Variants in ENAH observed in about 807,000 individuals in gnomAD.
ENAH encodes the protein ENAH actin regulator, also known as protein enabled homolog.
ENAH carries 23 observed loss-of-function variants against 78.7 expected under a neutral mutation model. The observed-to-expected ratio is 0.29, with a 90% CI of 0.21 to 0.41. The LOEUF (loss-of-function observed/expected upper bound fraction) is 0.41, where lower values mean the gene tolerates loss of function less well. Among genes scored for constraint, ENAH ranks in the 10% least tolerant of loss-of-function variants. The pLI, the probability that ENAH is intolerant of heterozygous loss-of-function variation, is 1.00. For missense variants in ENAH, 544 were observed against 691.0 expected (o/e 0.79, Z 2.39); for synonymous variants, 226 against 241.0 (o/e 0.94, Z 0.58).
chr1:225,568,839 T>G (rs932117022), intron 1 of ENAH, among the ~76,000 whole-genome samples: 5 of 152,202 alleles, frequency 3.3e-5, no homozygotes, highest in Admixed American at 2.0e-4. Flanking sequence ...GTAATAAAAT[T>G]GCTTCAGAAC....
intron 3 of ENAH, among the ~76,000 whole-genome samples, chr1:225,537,838 G>A (rs2096569552): frequency 6.6e-6 from 1 of 151,978 alleles, no homozygotes; most frequent in Non-Finnish European, 1.5e-5. Flanking sequence ...GTACAAGCAG[G>A]GAAATGTAGA....
chr1:225,501,546 G>A (rs1314172084), intron 11 of ENAH, among the ~76,000 whole-genome samples: 1 of 152,196 alleles, frequency 6.6e-6, no homozygotes, highest in East Asian at 1.9e-4. Context: ...AGCTTACAAA[G>A]CTGATGCCTT....
chr1:225,541,768 C>T (rs1429599295), intron 3 of ENAH, among the ~76,000 whole-genome samples: 1 of 152,130 alleles, frequency 6.6e-6, no homozygotes, highest in Non-Finnish European at 1.5e-5. Flanking sequence ...AAATAGCACA[C>T]GACTTTATCA....
intron 1 of ENAH, among the ~76,000 whole-genome samples, chr1:225,589,966 T>C (rs1462062212): frequency 6.6e-6 from 1 of 152,188 alleles, no homozygotes; most frequent in Non-Finnish European, 1.5e-5. Flanking sequence ...TATTTCTCCA[T>C]ATTCATTCAA....
At chr1:225,586,765 C>G (rs1232481719) in intron 1 of ENAH, among the ~76,000 whole-genome samples, 2 of 152,074 alleles carry the variant, frequency 1.3e-5, no homozygotes, top group African/African-American at 4.8e-5. Context: ...GTGGCTCACC[C>G]GTTATCCCAG....
chr1:225,532,614 C>T (rs914896210), intron 3 of ENAH, among the ~76,000 whole-genome samples: 1 of 151,994 alleles, frequency 6.6e-6, no homozygotes, highest in Non-Finnish European at 1.5e-5. Context: ...CAACTCAATC[C>T]TATTTATTTT....
At chr1:225,527,064 C>T (rs2096510931) in intron 4 of ENAH, among the ~76,000 whole-genome samples, 1 of 152,174 alleles carries the variant, frequency 6.6e-6, no homozygotes, top group South Asian at 2.1e-4. Context: ...GGTCTGGCTG[C>T]CAGCGTCTAG....
At chr1:225,590,803 C>T (rs1217871175) in intron 1 of ENAH, among the ~76,000 whole-genome samples, 1 of 152,150 alleles carries the variant, frequency 6.6e-6, no homozygotes, top group Admixed American at 6.6e-5. Flanking sequence ...TCCTAGATTA[C>T]AACAGCCTCC....
intron 3 of ENAH, among the ~76,000 whole-genome samples, chr1:225,537,386 T>C (rs1474181654): frequency 6.6e-6 from 1 of 152,224 alleles, no homozygotes; most frequent in African/African-American, 2.4e-5. Flanking sequence ...TTCTTTCCAC[T>C]GACTTTAATT....
At chr1:225,514,936 A>G in intron 6 of ENAH, 36 bp from the exon 7 acceptor site, 1 of 1,534,020 alleles carries the variant, frequency 6.5e-7, no homozygotes, top group Non-Finnish European at 9.0e-7. Context: ...ACCATCAACA[A>G]TAGAGCTGAG....
At chr1:225,561,921 T>C (rs1002363050) in intron 2 of ENAH, among the ~76,000 whole-genome samples, 1 of 152,116 alleles carries the variant, frequency 6.6e-6, no homozygotes, top group Non-Finnish European at 1.5e-5. Context: ...CTTTCTCCTA[T>C]CTTCTCAACA....
chr1:225,645,641 A>T (rs1328067012), intron 1 of ENAH, among the ~76,000 whole-genome samples: 1 of 152,200 alleles, frequency 6.6e-6, no homozygotes, highest in Non-Finnish European at 1.5e-5. Context: ...GGTTTTTCAC[A>T]TTCTTAACAT....
At chr1:225,577,735 C>T (rs2096795160) in intron 1 of ENAH, among the ~76,000 whole-genome samples, 1 of 152,128 alleles carries the variant, frequency 6.6e-6, no homozygotes, top group South Asian at 2.1e-4. Flanking sequence ...TAAAAGAAAA[C>T]ATTTCAGCAA....
At chr1:225,521,291 T>C (rs1343211529) in intron 4 of ENAH, among the ~76,000 whole-genome samples, 5 of 152,154 alleles carry the variant, frequency 3.3e-5, no homozygotes, top group Non-Finnish European at 7.3e-5. Context: ...TGAAAAGGTA[T>C]GAATTTAAGA....
chr1:225,614,973 TTCTCCCTCTCCCTCTCCCCGG>T (rs1322259017), intron 1 of ENAH, among the ~76,000 whole-genome samples: 2 of 151,866 alleles, frequency 1.3e-5, no homozygotes, highest in East Asian at 1.9e-4. Context: ...AGTAATACTT[TTCTCCCTCTCCCTCTCCCCGG>T]TCTCCCTCTC....
intron 7 of ENAH, 123 bp downstream of exon 7, chr1:225,514,472 AT>A: frequency 1.1e-6 from 1 of 900,646 alleles, no homozygotes; most frequent in Non-Finnish European, 1.8e-6. Context: ...AGGGTAAATT[AT>A]TTCAATTTTT....
chr1:225,591,603 A>C (rs1575637870), intron 1 of ENAH, among the ~76,000 whole-genome samples: 1 of 151,282 alleles, frequency 6.6e-6, no homozygotes, highest in African/African-American at 2.4e-5. Flanking sequence ...TGTCTCTACT[A>C]AAAATACAAA....
intron 1 of ENAH, among the ~76,000 whole-genome samples, chr1:225,570,489 T>C (rs1180299107): frequency 6.6e-6 from 1 of 151,498 alleles, no homozygotes; most frequent in Non-Finnish European, 1.5e-5. Context: ...ACCTTACCCT[T>C]CCTAAGACAG....
At chr1:225,652,492 A>C in intron 1 of ENAH, 194 bp downstream of exon 1, 2 of 860,082 alleles carry the variant, frequency 2.3e-6, no homozygotes, top group Non-Finnish European at 2.8e-6. Context: ...AGACCCCCAA[A>C]CCACACGGGT....
Sources: allele counts gnomAD v4.1 joint callset (sites outside exome capture counted in the v4.1 genomes callset), GRCh38; gene constraint gnomAD v4.1.1; transcripts MANE v1.5; gene names NCBI Gene and HGNC (gene_info 2026-07-23, HGNC 2026-07-21).